Variants in SERGEF observed in about 807,000 individuals in gnomAD.
SERGEF encodes secretion-regulating guanine nucleotide exchange factor.
In SERGEF, 51 loss-of-function variants were observed where a neutral mutation model predicts 50.0. The observed-to-expected ratio is 1.02, with a 90% CI of 0.81 to 1.29. The LOEUF (loss-of-function observed/expected upper bound fraction) is 1.29, where lower values mean the gene tolerates loss of function less well. Among genes scored for constraint, SERGEF ranks in the 50% most tolerant of loss-of-function variants. SERGEF has a pLI of 0.00. For synonymous variants in SERGEF, 205 were observed against 212.4 expected (o/e 0.97, Z 0.30); for missense variants, 521 against 557.0 (o/e 0.94, Z 0.65).
chr11:17,948,658 C>T (rs1852715828), intron 9 of SERGEF, among the ~76,000 whole-genome samples: 1 of 152,220 alleles, frequency 6.6e-6, no homozygotes, highest in Admixed American at 6.5e-5. Flanking sequence ...GCAACCTTCC[C>T]TAGCCAGCTG....
Position 17,928,805 on chromosome 11 carries a change from T to C in SERGEF, c.1011+30665A>G, listed in dbSNP as rs2237918. ...GAAAAAAAAAGGGACTCAAACTAGC[T>C]TGGCATTTTTTTCTGGACCAAGGTA... On this transcript the variant is annotated intron_variant, in intron 9 of 10. Transcript: ENST00000265965. 4.0e-3 allele frequency among the ~76,000 whole-genome samples: 611 copies of C among 152,258 alleles called. 34 individuals carry two copies. The East Asian group carries it at 0.11, about 26-fold the overall frequency.
intron 9 of SERGEF, among the ~76,000 whole-genome samples, chr11:17,879,491 A>AG (rs1380759502): frequency 6.6e-6 from 1 of 152,230 alleles, no homozygotes; most frequent in Non-Finnish European, 1.5e-5. Context: ...CTCAGGTCCC[A>AG]GGGCAAGTCT....
chr11:17,939,783 C>T lies in SERGEF; in HGVS notation c.1011+19687G>A, dbSNP rs150653697. Among the ~76,000 whole-genome samples, 90 of 152,290 alleles carry T rather than the reference C, an allele frequency of 5.9e-4. 1 individual carries two copies. In the East Asian group the frequency reaches 0.015, roughly 25 times the overall value. ...AGCCTTTGGGTCAAATCCATAGCTC[C>T]GTGGGACCCTGTCCAACTGGCAGCA... On this transcript the variant is annotated intron_variant, in intron 9 of 10. Coordinates refer to ENST00000265965, the MANE Select transcript of SERGEF (RefSeq NM_012139.4).
chr11:17,912,400 T>C (rs916940605), intron 9 of SERGEF, among the ~76,000 whole-genome samples: 2 of 152,226 alleles, frequency 1.3e-5, no homozygotes, highest in Non-Finnish European at 2.9e-5. Context: ...ACAAGAGGTA[T>C]TGTACCAATG....
chr11:17,932,676 C>T (rs956461799), intron 9 of SERGEF, among the ~76,000 whole-genome samples: 7 of 152,138 alleles, frequency 4.6e-5, no homozygotes, highest in Non-Finnish European at 8.8e-5. Flanking sequence ...GTGGTGAAAT[C>T]AACCCAGCAC....
chr11:17,878,865 TA>T lies in SERGEF; in HGVS notation c.1012-622del, dbSNP rs557068121. Among the ~76,000 whole-genome samples, 453 of 152,332 alleles carry T rather than the reference TA, an allele frequency of 3.0e-3. 1 individual carries two copies. The highest frequency in any genetic ancestry group is 0.01 in the African/African-American group (418 of 41,578). On this transcript the variant is annotated intron_variant, in intron 9 of 10. Coordinates refer to ENST00000265965, the MANE Select transcript of SERGEF (RefSeq NM_012139.4). ...ACTGCATACCTAAAAAATTTCTACT[TA>T]TCCTTTAAAATCTCAAAGTATCTAC...
intron 10 of SERGEF, among the ~76,000 whole-genome samples, chr11:17,848,942 G>A (rs939988676): frequency 1.8e-4 from 27 of 152,246 alleles, no homozygotes; most frequent in African/African-American, 4.6e-4. Flanking sequence ...CGAATGGGGC[G>A]GTACCAAGAG....
At chr11:17,953,207 T>A (rs977102791) in intron 9 of SERGEF, among the ~76,000 whole-genome samples, 4 of 152,146 alleles carry the variant, frequency 2.6e-5, no homozygotes, top group Non-Finnish European at 4.4e-5. Context: ...TGTCACATTC[T>A]GTTTGTCCTA....
chr11:17,841,650 T>A (rs981641658), intron 10 of SERGEF, among the ~76,000 whole-genome samples: 1 of 152,152 alleles, frequency 6.6e-6, no homozygotes, highest in Admixed American at 6.6e-5. Flanking sequence ...CATAATGCCC[T>A]CCCCATGAGT....
chr11:17,798,742 G>C (rs1196667928), intron 10 of SERGEF, among the ~76,000 whole-genome samples: 1 of 152,196 alleles, frequency 6.6e-6, no homozygotes, highest in Non-Finnish European at 1.5e-5. Context: ...TTGCGAGAGG[G>C]GGCAGAAAGA....
intron 10 of SERGEF, among the ~76,000 whole-genome samples, chr11:17,822,938 T>G (rs1850110180): frequency 6.6e-6 from 1 of 152,164 alleles, no homozygotes. Flanking sequence ...CAACATCTTA[T>G]ATTACTGTGG....
chr11:17,857,714 A>G (rs1850848036), intron 10 of SERGEF, among the ~76,000 whole-genome samples: 2 of 152,348 alleles, frequency 1.3e-5, no homozygotes, highest in East Asian at 1.9e-4. Flanking sequence ...CCCTTCTGTC[A>G]TACTGTGCAG....
chr11:17,927,278 A>G (rs1158989798), intron 9 of SERGEF, among the ~76,000 whole-genome samples: 2 of 152,158 alleles, frequency 1.3e-5, no homozygotes, highest in Non-Finnish European at 2.9e-5. Context: ...AGTCCTGTTC[A>G]ACAAGCACTA....
At chr11:17,821,615 C>T (rs2133844835) in intron 10 of SERGEF, among the ~76,000 whole-genome samples, 1 of 152,344 alleles carries the variant, frequency 6.6e-6, no homozygotes, top group East Asian at 1.9e-4. Context: ...ATGCCCTCCT[C>T]ATTCCCTTAC....
At chr11:18,010,210 T>C in intron 1 of SERGEF, 1 of 591,784 alleles carries the variant, frequency 1.7e-6, no homozygotes, top group Non-Finnish European at 2.6e-6. Context: ...CATACATACA[T>C]AATCCTTCCC....
At chr11:17,988,843 T>TA in intron 7 of SERGEF, 88 bp from the exon 8 acceptor site, 1 of 1,354,046 alleles carries the variant, frequency 7.4e-7, no homozygotes, top group Non-Finnish European at 1.0e-6. Flanking sequence ...AATAAGTGGT[T>TA]AAAAGAAGTT....
At chr11:18,008,612 T>C (rs916817074) in intron 1 of SERGEF, among the ~76,000 whole-genome samples, 2 of 152,128 alleles carry the variant, frequency 1.3e-5, no homozygotes, top group Admixed American at 1.3e-4. Flanking sequence ...CCTCTTAGAA[T>C]GGCCAGGAAA....
At chr11:17,840,053 C>T (rs1385027157) in intron 10 of SERGEF, among the ~76,000 whole-genome samples, 1 of 152,322 alleles carries the variant, frequency 6.6e-6, no homozygotes, top group Admixed American at 6.5e-5. Flanking sequence ...GGGAAGCAGT[C>T]CCTCTGTCCC....
chr11:17,942,514 T>C (rs1260292392), intron 9 of SERGEF, among the ~76,000 whole-genome samples: 2 of 152,192 alleles, frequency 1.3e-5, no homozygotes, highest in Non-Finnish European at 2.9e-5. Context: ...TTTTATAGAT[T>C]TGTTAGATTT....
Sources: gnomAD v4.1 joint callset for allele counts (sites outside exome capture counted in the v4.1 genomes callset) on GRCh38, gnomAD v4.1.1 for gene constraint, MANE v1.5 for transcripts, NCBI Gene and HGNC (gene_info 2026-07-23, HGNC 2026-07-21) for gene names.